The following EMSY variants were observed in gnomAD, a reference collection of about 807,000 sequenced individuals.
EMSY encodes EMSY transcriptional repressor, BRCA2 interacting.
Under a neutral mutation model 134.6 loss-of-function variants are expected in EMSY, and 26 were observed. The observed-to-expected ratio is 0.19, with a 90% CI of 0.14 to 0.27. EMSY has a LOEUF of 0.27. Ranked by LOEUF, EMSY falls within the 10% of genes least tolerant of loss-of-function variation. EMSY has a pLI of 1.00. For missense variants in EMSY, 1,305 were observed against 1,611.4 expected (o/e 0.81, Z 3.26); for synonymous variants, 579 against 577.8 (o/e 1.00, Z -0.03).
intron 8 of EMSY, among the ~76,000 whole-genome samples, chr11:76,483,297 A>T (rs1223064083): frequency 6.6e-6 from 1 of 152,220 alleles, no homozygotes; most frequent in Non-Finnish European, 1.5e-5. Context: ...CACTGCAAAA[A>T]CATACCAAAT....
chr11:76,504,360 A>T (rs1038894332), intron 9 of EMSY, among the ~76,000 whole-genome samples: 1 of 151,508 alleles, frequency 6.6e-6, no homozygotes, highest in East Asian at 1.9e-4. Flanking sequence ...CAATTTTAAA[A>T]TGGGTAAAAG....
chr11:76,490,894 A>G (rs1045079818), intron 8 of EMSY, among the ~76,000 whole-genome samples: 1 of 152,024 alleles, frequency 6.6e-6, no homozygotes, highest in Non-Finnish European at 1.5e-5. Context: ...ACACATGTAC[A>G]TCTGTATTTT....
At chr11:76,522,923 G>A (rs1468722623) in intron 11 of EMSY, among the ~76,000 whole-genome samples, 5 of 152,054 alleles carry the variant, frequency 3.3e-5, no homozygotes, top group African/African-American at 1.2e-4. Context: ...TTTGTGTATA[G>A]GTTCTCAGAT....
At chr11:76,538,252 T>G (rs990103290) in intron 16 of EMSY, among the ~76,000 whole-genome samples, 1 of 152,004 alleles carries the variant, frequency 6.6e-6, no homozygotes, top group African/African-American at 2.4e-5. Context: ...GAGTTTTGTT[T>G]GTTTTTTGTT....
intron 17 of EMSY, among the ~76,000 whole-genome samples, chr11:76,541,527 A>G (rs528937505): frequency 3.9e-4 from 60 of 152,340 alleles, no homozygotes; most frequent in South Asian, 1.7e-3. Flanking sequence ...AATAAAATCA[A>G]TCAAACAAAA....
chr11:76,504,951 A>G (rs1031359421), intron 9 of EMSY, among the ~76,000 whole-genome samples: 7 of 152,202 alleles, frequency 4.6e-5, no homozygotes, highest in Admixed American at 6.5e-5. Context: ...TCCAAATTAC[A>G]GAAATCTACA....
At chr11:76,525,121 G>A (rs1950799280) in intron 12 of EMSY, among the ~76,000 whole-genome samples, 2 of 152,062 alleles carry the variant, frequency 1.3e-5, no homozygotes, top group African/African-American at 2.4e-5. Context: ...TGAAAAACAG[G>A]CTGCTAGTTG....
rs1951621290 is a variant in EMSY at position 76,545,723 on chromosome 11, A to G, written c.3274-74A>G. Reference sequence around the variant, plus strand: ...AGCGCACGAATGTTTCTTTTGCCATATTGTCTGGGGTGTTTGATTAGATTT... The same window carrying G: ...AGCGCACGAATGTTTCTTTTGCCATGTTGTCTGGGGTGTTTGATTAGATTT... On this transcript the variant is annotated intron_variant, in intron 19 of 20. Transcript: ENST00000334736. 2.0e-6 allele frequency: 3 copies of G among 1,478,618 alleles called. No homozygotes were observed. In the Admixed American group the frequency reaches 6.6e-5, roughly 33 times the overall value. 91.6% of individuals were successfully genotyped at this position (1,478,618 alleles called of 1,614,324 possible). A position where few individuals can be genotyped will look rare whatever the true frequency, so the allele number is the denominator to read the frequency against.
At chr11:76,507,088 A>G (rs1159329055) in intron 9 of EMSY, among the ~76,000 whole-genome samples, 1 of 152,254 alleles carries the variant, frequency 6.6e-6, no homozygotes. Flanking sequence ...AGTTATGTTT[A>G]TATTATACTG....
chr11:76,494,375 A>G (rs1263603032), intron 8 of EMSY, among the ~76,000 whole-genome samples: 1 of 152,256 alleles, frequency 6.6e-6, no homozygotes, highest in Non-Finnish European at 1.5e-5. Flanking sequence ...TTCATTTAAT[A>G]TAAGACCATA....
At chr11:76,529,459 T>C (rs1289117977) in intron 14 of EMSY, among the ~76,000 whole-genome samples, 1 of 152,190 alleles carries the variant, frequency 6.6e-6, no homozygotes, top group African/African-American at 2.4e-5. Flanking sequence ...ATTAATTCAA[T>C]TTGACAATTA....
intron 8 of EMSY, among the ~76,000 whole-genome samples, chr11:76,493,158 C>T (rs1179958538): frequency 6.6e-6 from 1 of 152,176 alleles, no homozygotes; most frequent in Non-Finnish European, 1.5e-5. Context: ...AAAGTTGAGG[C>T]CTAGCCTGGG....
At chr11:76,484,615 A>G (rs913027754) in intron 8 of EMSY, among the ~76,000 whole-genome samples, 6 of 152,198 alleles carry the variant, frequency 3.9e-5, no homozygotes, top group Admixed American at 2.6e-4. Context: ...AGAGAATACT[A>G]TAAACACCTC....
In EMSY at chr11:76,503,931, C is replaced by T. The variant is rs186045702; in HGVS notation, c.1363+7462C>T. Among the ~76,000 whole-genome samples the T allele has an allele frequency of 6.5e-4, 99 of 151,652 alleles. 1 individual carries two copies. Among genetic ancestry groups the T allele is most frequent in the Admixed American group, 1.4e-3 (22 of 15,236 alleles). On this transcript the variant is annotated intron_variant, in intron 9 of 20. Transcript: ENST00000334736. ...TCCCGAGTAGCTGGGATTACAGGCG[C>T]GCACCATCACGCCCGGCTAATTTTT...
intron 8 of EMSY, among the ~76,000 whole-genome samples, chr11:76,476,727 C>A (rs932826914): frequency 6.6e-6 from 1 of 152,018 alleles, no homozygotes; most frequent in Non-Finnish European, 1.5e-5. Flanking sequence ...TTGAGATGTT[C>A]CAGGTTCATC....
chr11:76,486,736 C>G (rs1949198761), intron 8 of EMSY, among the ~76,000 whole-genome samples: 1 of 152,082 alleles, frequency 6.6e-6, no homozygotes, highest in African/African-American at 2.4e-5. Flanking sequence ...TTTTAACGTC[C>G]ATAATGAGGC....
At chr11:76,457,092 T>C (rs2134986944) in intron 4 of EMSY, among the ~76,000 whole-genome samples, 1 of 152,184 alleles carries the variant, frequency 6.6e-6, no homozygotes, top group East Asian at 1.9e-4. Flanking sequence ...ACATGTAATA[T>C]GTTTAGAACA....
intron 14 of EMSY, among the ~76,000 whole-genome samples, chr11:76,533,272 G>A (rs1011179038): frequency 2.0e-5 from 3 of 152,048 alleles, no homozygotes; most frequent in Admixed American, 2.0e-4. Context: ...ATGGGGGTGG[G>A]TTGGGTTGGT....
intron 13 of EMSY, among the ~76,000 whole-genome samples, chr11:76,527,417 G>A (rs1307518924): frequency 2.0e-5 from 3 of 152,002 alleles, no homozygotes; most frequent in Non-Finnish European, 4.4e-5. Context: ...TCTAAAGTAT[G>A]TTTTCCTTCT....
Sources: gnomAD v4.1 joint callset for allele counts (sites outside exome capture counted in the v4.1 genomes callset) on GRCh38, gnomAD v4.1.1 for gene constraint, MANE v1.5 for transcripts, NCBI Gene and HGNC (gene_info 2026-07-23, HGNC 2026-07-21) for gene names.